Variants in EVC2 observed in about 807,000 individuals in gnomAD.
EVC2 encodes the protein EvC ciliary complex subunit 2.
Under a neutral mutation model 149.3 loss-of-function variants are expected in EVC2, and 148 were observed. That is an observed-to-expected ratio of 0.99 (90% CI 0.87 to 1.14). The LOEUF (loss-of-function observed/expected upper bound fraction) is 1.14. Among genes scored for constraint, EVC2 ranks in the 50% most tolerant of loss-of-function variants. EVC2 has a pLI of 0.00. For synonymous variants in EVC2, 776 were observed against 649.9 expected (o/e 1.19, Z -2.95); for missense variants, 1,854 against 1,627.3 (o/e 1.14, Z -2.40).
chr4:5,569,222 G>A lies in EVC2; in HGVS notation c.3361-582C>T, dbSNP rs1213255718. 6.6e-6 allele frequency among the ~76,000 whole-genome samples: 1 copy of A among 152,236 alleles called. No individual in the cohort carries two copies. The highest frequency in any genetic ancestry group is 2.4e-5 in the African/African-American group (1 of 41,472). Reference sequence around the variant, plus strand: ...AGACTTGGAACTGGAGAGCGGCAGTGGATGCCAGGTGTGGGGCAGGGGAGG... The same window carrying A: ...AGACTTGGAACTGGAGAGCGGCAGTAGATGCCAGGTGTGGGGCAGGGGAGG... On this transcript the variant is annotated intron_variant, in intron 19 of 21. Coordinates refer to ENST00000344408, the MANE Select transcript of EVC2 (RefSeq NM_147127.5). The surrounding 1 kb of genome is among the most constrained non-coding windows in gnomAD (Gnocchi z 4.8).
In EVC2 at chr4:5,694,494, T is replaced by A. The variant is rs752850734; in HGVS notation, c.291A>T (p.Ala97=). 3.7e-6 allele frequency: 6 copies of A among 1,614,186 alleles called. No individual in the cohort carries two copies. The South Asian group carries it at 5.5e-5, about 15-fold the overall frequency. ...ECCHFKTAVE[A]PLGMKLDKKM... ...TCTTGTCCAATTTCATTCCAAGTGG[T>A]GCTTCCACTGCAAAACAACAACACA... Residue 97 remains alanine (A), a synonymous_variant, in exon 3 of 22, where the codon GCA becomes GCT. Transcript: ENST00000344408.
At position 5,633,554 on chromosome 4, in the gene EVC2, C is replaced by T. The variant is rs892931935; in HGVS notation, c.1471-1522G>A. On this transcript the variant is annotated intron_variant, in intron 10 of 21. Transcript: ENST00000344408. This position sits in a 1 kb window ranked among gnomAD's most constrained non-coding sequence, Gnocchi z 4.4. Reference sequence around the variant, plus strand: ...CTCCAAGCTCTGAAACCACTCAAGGCAGTGACAGTGGAGCTTGTTGGTGAA... The same window carrying T: ...CTCCAAGCTCTGAAACCACTCAAGGTAGTGACAGTGGAGCTTGTTGGTGAA... Among the ~76,000 whole-genome samples the T allele has an allele frequency of 2.0e-5, 3 of 152,354 alleles. No homozygotes were observed. The South Asian group carries it at 6.2e-4, about 32-fold the overall frequency.
chr4:5,646,623 T>A (rs1157499872), intron 9 of EVC2, among the ~76,000 whole-genome samples: 1 of 152,220 alleles, frequency 6.6e-6, no homozygotes, highest in Non-Finnish European at 1.5e-5. Context: ...TTTTATCAAT[T>A]TTCTAATTAA....
intron 14 of EVC2, among the ~76,000 whole-genome samples, chr4:5,621,930 C>T (rs1486199849): frequency 6.6e-6 from 1 of 152,130 alleles, no homozygotes; most frequent in Non-Finnish European, 1.5e-5. Flanking sequence ...CTGCATCCTA[C>T]TCAGAAGTGG....
intron 7 of EVC2, among the ~76,000 whole-genome samples, chr4:5,678,231 G>C (rs938209896): frequency 1.4e-4 from 22 of 152,178 alleles, no homozygotes; most frequent in Admixed American, 2.0e-4. Context: ...TGGGAGTCTG[G>C]AATCTTGGTA....
chr4:5,595,046 C>A (rs1164556403), intron 16 of EVC2, among the ~76,000 whole-genome samples: 1 of 152,136 alleles, frequency 6.6e-6, no homozygotes. Flanking sequence ...CGAACAAAGC[C>A]TCCAAGAAAT....
In EVC2 at chr4:5,686,995, G is replaced by A. The variant is rs1214363787; in HGVS notation, c.707-1516C>T. Among the ~76,000 whole-genome samples, 1 of 152,160 alleles carries A rather than the reference G, an allele frequency of 6.6e-6. No individual in the cohort carries two copies. The highest frequency in any genetic ancestry group is 2.4e-5 in the African/African-American group (1 of 41,440). On this transcript the variant is annotated intron_variant, in intron 5 of 21. Coordinates refer to ENST00000344408, the MANE Select transcript of EVC2 (RefSeq NM_147127.5). The surrounding 1 kb of genome is among the most constrained non-coding windows in gnomAD (Gnocchi z 5.4). ...ACAGTGGCCGGGCATGGTGGCTCAC[G>A]CCTGTAATCCTAGCACTTTGGGAGG...
intron 17 of EVC2, among the ~76,000 whole-genome samples, chr4:5,577,713 C>T (rs779428829): frequency 7.9e-5 from 12 of 152,176 alleles, no homozygotes; most frequent in Non-Finnish European, 1.5e-4. Flanking sequence ...GCACGGAGAA[C>T]CTTCTATCCC....
At position 5,689,241 on chromosome 4, in the gene EVC2, T is replaced by C; in HGVS notation, c.622A>G (p.Ser208Gly). The change falls in exon 5 of 22, where the codon AGC (serine) becomes GGC (glycine). Residue 208 changes from serine to glycine, a missense_variant. By Grantham distance (56) the Ser-to-Gly change is moderately conservative. Coordinates refer to ENST00000344408, the MANE Select transcript of EVC2 (RefSeq NM_147127.5). ...TCCCAAATGGTGAGACCAGCAATGC[T>C]GTCCAGCAAGAGCAGCTCCGAGAGG... ...ANLSELLLLD[S>G]IAGLTIWDSV... 6.2e-7 allele frequency: 1 copy of C among 1,614,228 alleles called. No individual in the cohort carries two copies. Among genetic ancestry groups the C allele is most frequent in the Non-Finnish European group, 8.5e-7 (1 of 1,180,042 alleles).
In EVC2 at chr4:5,569,605, C is replaced by T. The variant is rs954608269; in HGVS notation, c.3361-965G>A. ...ACAGAGCTATTGGGTGCCCAAAGGC[C>T]ATGAGAAGGAGCAGTGTCCAGCCAG... On this transcript the variant is annotated intron_variant, in intron 19 of 21. Transcript: ENST00000344408. This position sits in a 1 kb window ranked among gnomAD's most constrained non-coding sequence, Gnocchi z 4.8. 6.6e-6 allele frequency among the ~76,000 whole-genome samples: 1 copy of T among 151,852 alleles called. No individual in the cohort carries two copies. The highest frequency in any genetic ancestry group is 2.4e-5 in the African/African-American group (1 of 41,338).
At chr4:5,533,053 C>T in the EVC2 span, among the ~76,000 whole-genome samples, 2 of 150,552 alleles carry the variant, frequency 1.3e-5, no homozygotes, top group African/African-American at 2.5e-5. Context: ...GAACGTATCA[C>T]GGACAAAACA....
At chr4:5,669,838 G>T (rs1232325323) in intron 7 of EVC2, among the ~76,000 whole-genome samples, 3 of 152,202 alleles carry the variant, frequency 2.0e-5, no homozygotes, top group Non-Finnish European at 4.4e-5. Flanking sequence ...GCTTAAAGTA[G>T]CAACACAGTT....
At chr4:5,533,832 C>T in the EVC2 span, among the ~76,000 whole-genome samples, 45,602 of 151,918 alleles carry the variant, frequency 0.3, 8,486 homozygotes, top group East Asian at 0.67. Flanking sequence ...ACCCAAATGG[C>T]AGAAATCAGC....
At chr4:5,671,239 T>C (rs368406844) in intron 7 of EVC2, among the ~76,000 whole-genome samples, 2 of 152,338 alleles carry the variant, frequency 1.3e-5, no homozygotes, top group African/African-American at 2.4e-5. Flanking sequence ...CATCCAGCAG[T>C]TGGGGCTAGT....
intron 9 of EVC2, among the ~76,000 whole-genome samples, chr4:5,651,482 G>A (rs1024147892): frequency 3.3e-5 from 5 of 152,080 alleles, no homozygotes; most frequent in African/African-American, 1.2e-4. Context: ...ACAAGTGAAT[G>A]GGTGGGTGGG....
chr4:5,701,692 T>C (rs1721837620), intron 1 of EVC2, among the ~76,000 whole-genome samples: 1 of 152,166 alleles, frequency 6.6e-6, no homozygotes, highest in African/African-American at 2.4e-5. Flanking sequence ...ATTTCTCCCC[T>C]CAAATCCAGA....
intron 16 of EVC2, among the ~76,000 whole-genome samples, chr4:5,591,503 A>G (rs184436448): frequency 9.2e-5 from 14 of 152,352 alleles, no homozygotes; most frequent in Admixed American, 7.8e-4. Context: ...CATAAGACCC[A>G]GACCCCTGCA....
intron 7 of EVC2, 116 bp downstream of exon 7, chr4:5,681,144 G>T: frequency 1.7e-6 from 2 of 1,158,340 alleles, no homozygotes; most frequent in Non-Finnish European, 1.3e-6. Flanking sequence ...CAGTCTCAAC[G>T]CATAACTGGG....
intron 16 of EVC2, among the ~76,000 whole-genome samples, chr4:5,588,179 G>A (rs1332442045): frequency 6.6e-6 from 1 of 152,142 alleles, no homozygotes; most frequent in Non-Finnish European, 1.5e-5. Context: ...AATTTTAGGT[G>A]GCAGTTTTCC....
Sources: gnomAD v4.1 joint callset for allele counts (sites outside exome capture counted in the v4.1 genomes callset) on GRCh38, gnomAD v4.1.1 for gene constraint, Gnocchi (gnomAD v3.1) non-coding constraint, MANE v1.5 for transcripts, NCBI Gene and HGNC (gene_info 2026-07-23, HGNC 2026-07-21) for gene names.